NCL: variants seen among roughly 807,000 people sequenced by gnomAD.
NCL encodes the protein nucleolin multifunctional protein.
In NCL, 4 loss-of-function variants were observed where a neutral mutation model predicts 77.7. The observed-to-expected ratio is 0.05, with a 90% CI of 0.03 to 0.12. The LOEUF is 0.12. Ranked by LOEUF, NCL falls within the 10% of genes least tolerant of loss-of-function variation. NCL has a pLI of 1.00. For synonymous variants in NCL, 344 were observed against 297.8 expected, an observed-to-expected ratio of 1.16 and a Z score of -1.60; for missense variants, 763 against 860.9, an observed-to-expected ratio of 0.89 and a Z score of 1.42.
Position 231,460,833 on chromosome 2 carries a change from G to A in NCL, c.647C>T (p.Ala216Val). ...SEEEAMETTPAKGKKAAKVVP... is the reference protein window; with the variant it reads ...SEEEAMETTPVKGKKAAKVVP... The stretch of plus-strand genomic sequence containing the variant: ...AACTTTTGCAGCTTTCTTTCCTTTG[G>A]CTGGTGTAGTCTCCATAGCTTCTTC... The change falls in exon 4 of 14, where the codon GCC becomes GTC. Residue 216 changes from alanine (A) to valine (V), a missense_variant. Physicochemically the swap from Ala to Val is moderately conservative, Grantham distance 64. Transcript: ENST00000322723. The A allele has an allele frequency of 1.2e-6, 2 of 1,614,018 alleles. No individual in the cohort carries two copies. Among genetic ancestry groups the A allele is most frequent in the Non-Finnish European group, 1.7e-6 (2 of 1,180,010 alleles).
intron 9 of NCL, chr2:231,457,357 T>TCAGC: frequency 1.3e-6 from 1 of 773,710 alleles, no homozygotes; most frequent in Non-Finnish European, 2.3e-6. Flanking sequence ...CCTAGAATCA[T>TCAGC]CTGAGTTCAA....
chr2:231,455,797 C>G, intron 12 of NCL, 173 bp from the exon 13 acceptor site: 1 of 1,138,768 alleles, frequency 8.8e-7, no homozygotes, highest in Non-Finnish European at 1.3e-6. Context: ...AGCTTGAACC[C>G]CAGAATGTCT....
intron 2 of NCL, 73 bp from the exon 3 acceptor site, chr2:231,462,090 A>C (rs2595514): frequency 6.4e-7 from 1 of 1,557,676 alleles, no homozygotes; most frequent in South Asian, 1.1e-5. Flanking sequence ...TCCCAATGAG[A>C]TGTTAGACTC....
rs950840827 is a variant in NCL at position 231,463,397 on chromosome 2, CCAT to C, written c.19-84_19-82del. 3.9e-5 allele frequency: 34 copies of C among 873,340 alleles called. No individual in the cohort carries two copies. The African/African-American group carries it at 5.2e-4, about 13-fold the overall frequency. The allele number at this position is 873,340 out of a possible 1,614,324, so 54.1% of individuals were successfully genotyped here. On this transcript the variant is annotated intron_variant, in intron 1 of 13. Coordinates refer to ENST00000322723, the MANE Select transcript of NCL (RefSeq NM_005381.3). ...ATATTTTGCCATTAGTGTTCATACG[CCAT>C]CATCTCCGTCCTCAGATCCATTTCT...
chr2:231,455,535 G>A lies in NCL; in HGVS notation c.1922C>T (p.Thr641Ile), dbSNP rs754082306. 7.4e-6 allele frequency: 12 copies of A among 1,614,060 alleles called. No homozygotes were observed. The highest frequency in any genetic ancestry group is 1.0e-5 in the Non-Finnish European group (12 of 1,180,044). ...EDGEIDGNKVTLDWAKPKGEG... is the reference protein window; with the variant it reads ...EDGEIDGNKVILDWAKPKGEG... ...ACCCTTAGGTTTGGCCCAGTCCAAGGTAACTTTATTTCCATCAATTTCACC... is the reference window on the plus strand; with the variant it reads ...ACCCTTAGGTTTGGCCCAGTCCAAGATAACTTTATTTCCATCAATTTCACC... Residue 641 changes from threonine to isoleucine, a missense_variant, in exon 13 of 14, where the codon ACC becomes ATC. This residue lies in a region of NCL where 173 missense variants were observed against 290.4 expected (regional missense o/e 0.60). Transcript: ENST00000322723.
intron 2 of NCL, chr2:231,462,543 G>C (rs1410335856): frequency 1.9e-6 from 1 of 515,798 alleles, no homozygotes; most frequent in Non-Finnish European, 3.9e-6. Flanking sequence ...CAAAGAGTGT[G>C]CATGGTAGTT....
chr2:231,455,099 T>A lies in NCL; in HGVS notation c.*92A>T. The A allele has an allele frequency of 2.9e-6, 4 of 1,383,964 alleles. No individual in the cohort carries two copies. The highest frequency in any genetic ancestry group is 4.1e-6 in the Non-Finnish European group (4 of 977,244). 85.7% of individuals were successfully genotyped at this position (1,383,964 alleles called of 1,614,324 possible). On this transcript the variant is annotated 3_prime_UTR_variant, in exon 14 of 14. Transcript: ENST00000322723. ...CACAGGACTGTATACTGTCTTGGAATGTCCTCAGAAGGCTCTGTCATTGAT... is the reference window on the plus strand; with the variant it reads ...CACAGGACTGTATACTGTCTTGGAAAGTCCTCAGAAGGCTCTGTCATTGAT...
rs774120936 is a variant in NCL, at chr2:231,458,988, A to G, written c.1165+13T>C. The stretch of plus-strand genomic sequence containing the variant: ...CCTGAGTTCATTGCATAATCTCATA[A>G]AGCCTTACATACCTTTCTTACTGTC... On this transcript the variant is annotated intron_variant, in intron 7 of 13. Coordinates refer to ENST00000322723, the MANE Select transcript of NCL (RefSeq NM_005381.3). The G allele has an allele frequency of 6.4e-6, 10 of 1,563,538 alleles. 1 individual carries two copies. In the South Asian group the frequency reaches 9.8e-5, roughly 15 times the overall value.
At chr2:231,457,148 C>T (rs780676345) in intron 9 of NCL, 24 bp from the exon 10 acceptor site, 2 of 1,613,162 alleles carry the variant, frequency 1.2e-6, no homozygotes, top group South Asian at 1.1e-5. Flanking sequence ...TGCCACATTC[C>T]TAAGACTCTG....
intron 7 of NCL, 143 bp from the exon 8 acceptor site, chr2:231,458,532 T>C (rs1252650161): frequency 9.5e-7 from 1 of 1,055,308 alleles, no homozygotes; most frequent in African/African-American, 1.6e-5. Context: ...GTGCTAAATA[T>C]GGAGATATAG....
Position 231,461,720 on chromosome 2 carries a change from T to A in NCL, c.433A>T (p.Ser145Cys), listed in dbSNP as rs751929712. 1 of 1,614,122 alleles carries A rather than the reference T, an allele frequency of 6.2e-7. No homozygotes were observed. The highest frequency in any genetic ancestry group is 1.3e-5 in the African/African-American group (1 of 74,948). ...KNGKNAKKEDSDEEEDDDSEE... is the reference protein window; with the variant it reads ...KNGKNAKKEDCDEEEDDDSEE... The stretch of plus-strand genomic sequence containing the variant: ...CTGTCATCATCCTCCTCTTCATCAC[T>A]GTCTTCCTTCTTGGCATTCTTGCCA... The change falls in exon 3 of 14, where the codon AGT (serine) becomes TGT (cysteine). Residue 145 changes from serine to cysteine, a missense_variant. Coordinates refer to ENST00000322723, the MANE Select transcript of NCL (RefSeq NM_005381.3).
In NCL at chr2:231,455,006, T is replaced by C. The variant is rs761925635; in HGVS notation, c.*185A>G. ...CACTCAACTCTTTAAAAAGTTTATA[T>C]GAATATCCAGTCAAAACCAACACGG... On this transcript the variant is annotated 3_prime_UTR_variant, in exon 14 of 14. Transcript: ENST00000322723. 1.7e-6 allele frequency: 1 copy of C among 604,046 alleles called. No individual in the cohort carries two copies. Among genetic ancestry groups the C allele is most frequent in the Non-Finnish European group, 2.9e-6 (1 of 345,010 alleles). 37.4% of individuals were successfully genotyped at this position (604,046 alleles called of 1,614,324 possible).
In NCL at chr2:231,454,934, G is replaced by T; in HGVS notation, c.*257C>A. On this transcript the variant is annotated 3_prime_UTR_variant, in exon 14 of 14. Transcript: ENST00000322723. ...TAGGAAAAAATGGTTTTGTACATGG[G>T]ATGAAACAATATAAATTCAAAACTT... 1 of 384,540 alleles carries T rather than the reference G, an allele frequency of 2.6e-6. No homozygotes were observed. Among genetic ancestry groups the T allele is most frequent in the Non-Finnish European group, 4.7e-6 (1 of 214,434 alleles). 23.8% of individuals were successfully genotyped at this position (384,540 alleles called of 1,614,324 possible). A position where few individuals can be genotyped will look rare whatever the true frequency, so the allele number is the denominator to read the frequency against.
intron 2 of NCL, chr2:231,462,540 T>A (rs2046962471): frequency 1.9e-6 from 1 of 514,730 alleles, no homozygotes; most frequent in South Asian, 1.4e-5. Flanking sequence ...CATCAAAGAG[T>A]GTGCATGGTA....
In NCL at chr2:231,459,053, G is replaced by A; in HGVS notation, c.1113C>T (p.Val371=). The change falls in exon 7 of 14, where the codon GTC becomes GTT. Residue 371 remains valine, a synonymous_variant. Transcript: ENST00000322723. ...TCTCTAGTTTAATTTCATTGCCAAA[G>A]ACTTTCAAACCAGTGAGTTCCAACG... The part of the protein sequence containing the change: ...EKALELTGLK[V]FGNEIKLEKP... 1.2e-6 allele frequency: 2 copies of A among 1,605,996 alleles called. No individual in the cohort carries two copies. The highest frequency in any genetic ancestry group is 8.5e-7 in the Non-Finnish European group (1 of 1,177,132).
intron 8 of NCL, 73 bp downstream of exon 8, chr2:231,458,193 A>T: frequency 6.4e-7 from 1 of 1,562,232 alleles, no homozygotes; most frequent in Non-Finnish European, 8.7e-7. Context: ...AAATCAAACC[A>T]ATATTTCTTT....
rs2046956726 is a variant in NCL, at chr2:231,461,963, CCTT to C, written c.187_189del (p.Lys63del). ...ACCTTTTTTGTTGGGGAAACGACCA[CCTT>C]CTTTGCTGAGGTTGCAGCAGCCTTC... On this transcript the variant is annotated inframe_deletion, in exon 3 of 14. Transcript: ENST00000322723. 2 of 1,614,236 alleles carry C rather than the reference CCTT, an allele frequency of 1.2e-6. No homozygotes were observed. The highest frequency in any genetic ancestry group is 2.2e-5 in the South Asian group (2 of 91,088).
rs188348189 is a variant in NCL, at chr2:231,456,815, T to C, written c.1572-51A>G. ...AGTAAGTTACCAGGCACATGCTCCTTCACTGTCACATGATGCTGCCAAGCC... is the reference window on the plus strand; with the variant it reads ...AGTAAGTTACCAGGCACATGCTCCTCCACTGTCACATGATGCTGCCAAGCC... On this transcript the variant is annotated intron_variant, in intron 10 of 13. Transcript: ENST00000322723. 5.5e-5 allele frequency: 89 copies of C among 1,606,836 alleles called. No individual in the cohort carries two copies. The East Asian group carries it at 1.9e-3, about 35-fold the overall frequency.
Position 231,462,017 on chromosome 2 carries a change from C to T in NCL, c.136G>A (p.Val46Ile), listed in dbSNP as rs1429931992. Residue 46 changes from valine (V) to isoleucine (I), a missense_variant and splice_region_variant, in exon 3 of 14, where the codon GTC becomes ATC. Transcript: ENST00000322723. ...TTGCCTTTCTTCTGAGGTATGACGA[C>T]CTTGAGAATAAATGAAAACCAAACC... is the stretch of plus-strand genomic sequence containing the variant. Reference protein sequence around the residue: ...DEEDDSSGEEVVIPQKKGKKA... With the variant: ...DEEDDSSGEEIVIPQKKGKKA... The T allele has an allele frequency of 2.5e-6, 4 of 1,613,662 alleles. No homozygotes were observed. Among genetic ancestry groups the T allele is most frequent in the Non-Finnish European group, 2.5e-6 (3 of 1,179,992 alleles).
Sources: allele counts gnomAD v4.1 joint callset, GRCh38; gene constraint gnomAD v4.1.1; regional missense constraint gnomAD v4.1.1; transcripts MANE v1.5; gene names NCBI Gene and HGNC (gene_info 2026-07-23, HGNC 2026-07-21).